The following RMDN2 variants were observed in gnomAD, a reference collection of about 807,000 sequenced individuals.
RMDN2 encodes the protein regulator of microtubule dynamics 2, also known as regulator of microtubule dynamics protein 2.
A neutral mutation model predicts 52.8 loss-of-function variants in RMDN2; 61 were observed. The observed-to-expected ratio is 1.16, with a 90% CI of 0.94 to 1.43. The LOEUF is 1.43. Among genes scored for constraint, RMDN2 ranks in the 40% most tolerant of loss-of-function variants. The probability of loss-of-function intolerance (pLI) is 0.00; values close to 1 mark genes in which losing one functional copy is unlikely to be tolerated. For synonymous variants in RMDN2, 180 were observed against 153.1 expected, an observed-to-expected ratio of 1.18 and a Z score of -1.30; for missense variants, 592 against 475.3, an observed-to-expected ratio of 1.25 and a Z score of -2.28.
chr2:37,951,727 C>T, intron 2 of RMDN2: 1 of 1,612,338 alleles, frequency 6.2e-7, no homozygotes. Context: ...AATACTGATG[C>T]TAAAAAACAT....
intron 10 of RMDN2, among the ~76,000 whole-genome samples, chr2:38,034,477 C>T (rs896302502): frequency 1.3e-5 from 2 of 152,094 alleles, no homozygotes; most frequent in African/African-American, 4.8e-5. Flanking sequence ...GTGATTTATT[C>T]TTAGTTAACC....
chr2:37,950,609 A>T, intron 2 of RMDN2: 1 of 1,612,604 alleles, frequency 6.2e-7, no homozygotes, highest in Non-Finnish European at 8.5e-7. Context: ...AGCCTTAGAA[A>T]AAAACTTCAA....
chr2:38,062,776 C>CT (rs1478598138), intron 10 of RMDN2, among the ~76,000 whole-genome samples: 6 of 120,834 alleles, frequency 5.0e-5, no homozygotes, highest in South Asian at 3.9e-4. Context: ...CCTTCCCCCC[C>CT]CCCACAACAG....
At chr2:37,948,448 T>G (rs6706319) in intron 2 of RMDN2, among the ~76,000 whole-genome samples, 1 of 151,920 alleles carries the variant, frequency 6.6e-6, no homozygotes, top group African/African-American at 2.4e-5. Context: ...GGAGGAGGGT[T>G]GGGTGGCCAT....
chr2:37,921,283 T>G (rs1022155774), upstream of RMDN2, among the ~76,000 whole-genome samples: 12 of 152,396 alleles, frequency 7.9e-5, no homozygotes, highest in African/African-American at 2.9e-4. Flanking sequence ...AATGCTTTTT[T>G]CAGATAAAAC....
chr2:37,963,945 G>GC lies in RMDN2; in HGVS notation c.453-10089dup, dbSNP rs1457145009. ...GACGGGGCGGCGGCCAGGCGGAGGT[G>GC]CCCCCCACCTCCCTCCCGGACAGGG... On this transcript the variant is annotated intron_variant, in intron 2 of 10. Transcript: ENST00000354545. 5.2e-4 allele frequency among the ~76,000 whole-genome samples: 78 copies of GC among 151,212 alleles called. No individual in the cohort carries two copies. The East Asian group carries it at 0.013, about 25-fold the overall frequency.
intron 10 of RMDN2, among the ~76,000 whole-genome samples, chr2:38,049,035 G>C (rs558552528): frequency 5.3e-5 from 8 of 152,308 alleles, no homozygotes; most frequent in African/African-American, 1.7e-4. Context: ...GAGCCTGCTT[G>C]TTGACATTTT....
chr2:37,927,548 A>G (rs75708426), intron 1 of RMDN2, among the ~76,000 whole-genome samples: 8,148 of 152,324 alleles, frequency 0.053, 262 homozygotes, highest in East Asian at 0.1. Context: ...TTATTAAATG[A>G]AAATATTTTC....
intron 8 of RMDN2, among the ~76,000 whole-genome samples, chr2:38,002,530 T>G (rs12052655): frequency 0.42 from 64,268 of 152,092 alleles, 15,067 homozygotes; most frequent in East Asian, 0.78. Flanking sequence ...TTTATTCAGT[T>G]TTATGTATTT....
At chr2:38,041,520 C>A (rs191182280) in intron 10 of RMDN2, among the ~76,000 whole-genome samples, 306 of 140,188 alleles carry the variant, frequency 2.2e-3, no homozygotes, top group African/African-American at 7.8e-3. Context: ...TACTTTGTTC[C>A]CAATCTTGAG....
chr2:38,010,842 C>G (rs1308245950), intron 10 of RMDN2, among the ~76,000 whole-genome samples: 7 of 152,206 alleles, frequency 4.6e-5, no homozygotes, highest in Non-Finnish European at 2.9e-5. Flanking sequence ...GCTATTCAGC[C>G]ATCTTGGCTC....
chr2:38,005,316 C>T (rs1166267912), intron 10 of RMDN2, among the ~76,000 whole-genome samples: 1 of 152,208 alleles, frequency 6.6e-6, no homozygotes, highest in East Asian at 1.9e-4. Flanking sequence ...ACAGTCCCAC[C>T]AACAGTGTAA....
At chr2:38,002,127 A>G (rs1676402922) in intron 8 of RMDN2, among the ~76,000 whole-genome samples, 1 of 152,166 alleles carries the variant, frequency 6.6e-6, no homozygotes, top group South Asian at 2.1e-4. Context: ...TACAGAATAA[A>G]ATGTCTTTTA....
At chr2:37,954,112 A>T (rs116740350) in intron 2 of RMDN2, among the ~76,000 whole-genome samples, 1 of 151,924 alleles carries the variant, frequency 6.6e-6, no homozygotes, top group Non-Finnish European at 1.5e-5. Context: ...TTTAAAAAAG[A>T]TATAATTTGC....
At chr2:37,996,297 A>C (rs1355505999) in intron 7 of RMDN2, among the ~76,000 whole-genome samples, 2 of 152,190 alleles carry the variant, frequency 1.3e-5, no homozygotes, top group African/African-American at 4.8e-5. Context: ...AAATTAGAGG[A>C]TAATGGACTG....
intron 2 of RMDN2, among the ~76,000 whole-genome samples, chr2:37,959,595 A>T (rs900278998): frequency 6.6e-6 from 1 of 150,772 alleles, no homozygotes; most frequent in Non-Finnish European, 1.5e-5. Flanking sequence ...TTTTCAAAAA[A>T]CCAGCTCCTG....
intron 4 of RMDN2, among the ~76,000 whole-genome samples, chr2:37,979,630 CTAAT>C (rs1483254863): frequency 1.3e-5 from 2 of 152,058 alleles, no homozygotes; most frequent in Non-Finnish European, 2.9e-5. Context: ...TCTAACTTTC[CTAAT>C]TAAGTAATCG....
At chr2:38,036,726 T>C (rs1680607899) in intron 10 of RMDN2, 2 of 152,206 alleles carry the variant, frequency 1.3e-5, no homozygotes, top group Non-Finnish European at 1.5e-5. Flanking sequence ...CTGACACATG[T>C]AACTCTTTAC....
intron 10 of RMDN2, among the ~76,000 whole-genome samples, chr2:38,031,444 C>G (rs367972636): frequency 2.6e-4 from 39 of 151,766 alleles, no homozygotes; most frequent in Non-Finnish European, 4.7e-4. Context: ...CAGCCTCCCC[C>G]ACCAGTGCTT....
Sources: allele counts gnomAD v4.1 joint callset (sites outside exome capture counted in the v4.1 genomes callset), GRCh38; gene constraint gnomAD v4.1.1; transcripts MANE v1.5; gene names NCBI Gene and HGNC (gene_info 2026-07-23, HGNC 2026-07-21).